Variants in RAD51B observed in about 807,000 individuals in gnomAD.
RAD51B encodes the protein DNA repair protein RAD51 homolog 2.
In RAD51B, 38 loss-of-function variants were observed where a neutral mutation model predicts 42.2. The observed-to-expected ratio is 0.90, with a 90% CI of 0.70 to 1.18. The LOEUF (loss-of-function observed/expected upper bound fraction) is 1.18. Ranked by LOEUF, RAD51B falls within the 50% of genes most tolerant of loss-of-function variation. The probability of loss-of-function intolerance (pLI) is 0.00; values close to 1 mark genes in which losing one functional copy is unlikely to be tolerated. For synonymous variants in RAD51B, 154 were observed against 145.2 expected (o/e 1.06, Z -0.43); for missense variants, 373 against 400.7 (o/e 0.93, Z 0.59).
At chr14:67,847,658 C>T (rs572801220) in intron 4 of RAD51B, among the ~76,000 whole-genome samples, 11 of 152,130 alleles carry the variant, frequency 7.2e-5, no homozygotes, top group South Asian at 4.2e-4. Context: ...GATGTGATTT[C>T]GATTTTTAAA....
At chr14:68,321,279 G>A (rs2082153052) in intron 8 of RAD51B, among the ~76,000 whole-genome samples, 1 of 152,072 alleles carries the variant, frequency 6.6e-6, no homozygotes, top group Non-Finnish European at 1.5e-5. Flanking sequence ...GCAAGACTAG[G>A]GCAGCCCAGT....
intron 10 of RAD51B, among the ~76,000 whole-genome samples, chr14:68,585,267 A>G (rs985372748): frequency 2.6e-5 from 4 of 152,190 alleles, no homozygotes; most frequent in African/African-American, 9.6e-5. Flanking sequence ...CCCCATGGGG[A>G]ATTTCAGGAA....
At chr14:68,342,761 C>A (rs577851504) in intron 8 of RAD51B, among the ~76,000 whole-genome samples, 1 of 152,316 alleles carries the variant, frequency 6.6e-6, no homozygotes, top group East Asian at 1.9e-4. Context: ...ACTGTTGGTA[C>A]TTGTGGCCTC....
chr14:68,169,800 T>C (rs1297384728), intron 7 of RAD51B, among the ~76,000 whole-genome samples: 2 of 152,206 alleles, frequency 1.3e-5, no homozygotes, highest in African/African-American at 4.8e-5. Context: ...GGTTCTAATA[T>C]ATATAGCAGA....
intron 4 of RAD51B, among the ~76,000 whole-genome samples, chr14:67,847,463 G>T (rs2041659034): frequency 6.6e-6 from 1 of 151,340 alleles, no homozygotes; most frequent in Non-Finnish European, 1.5e-5. Context: ...GCCTCCCAGA[G>T]ATTTTGGGAA....
intron 7 of RAD51B, among the ~76,000 whole-genome samples, chr14:68,216,628 A>G (rs1004639049): frequency 3.3e-5 from 5 of 152,326 alleles, no homozygotes; most frequent in African/African-American, 1.2e-4. Context: ...TCTAAGTTCT[A>G]TTATCCCAGT....
chr14:68,668,008 C>G (rs1340557764), intron 11 of RAD51B, among the ~76,000 whole-genome samples: 2 of 152,172 alleles, frequency 1.3e-5, no homozygotes, highest in Non-Finnish European at 2.9e-5. Flanking sequence ...AGAAGCACTT[C>G]CCTGGCCTGG....
chr14:68,416,029 G>A (rs2084547851), intron 9 of RAD51B, among the ~76,000 whole-genome samples: 1 of 151,966 alleles, frequency 6.6e-6, no homozygotes, highest in Non-Finnish European at 1.5e-5. Flanking sequence ...TTTCTATTTA[G>A]GAGGCACCCT....
chr14:68,250,439 CTGAGA>C (rs2080601882), intron 7 of RAD51B, among the ~76,000 whole-genome samples: 1 of 152,150 alleles, frequency 6.6e-6, no homozygotes, highest in Non-Finnish European at 1.5e-5. Flanking sequence ...ACTATAATGC[CTGAGA>C]TATCAAGCTA....
intron 11 of RAD51B, among the ~76,000 whole-genome samples, chr14:68,652,389 C>A (rs1892720863): frequency 6.6e-6 from 1 of 152,166 alleles, no homozygotes; most frequent in South Asian, 2.1e-4. Context: ...TTTTCCAGTT[C>A]AAAGGAAAGT....
chr14:68,261,905 G>A (rs763466224), intron 7 of RAD51B, among the ~76,000 whole-genome samples: 4 of 152,114 alleles, frequency 2.6e-5, no homozygotes, highest in Non-Finnish European at 4.4e-5. Context: ...TCTGTGGCAG[G>A]ACACAGTAGG....
intron 8 of RAD51B, among the ~76,000 whole-genome samples, chr14:68,354,738 T>G (rs1207845157): frequency 2.6e-5 from 4 of 151,930 alleles, no homozygotes; most frequent in Admixed American, 6.6e-5. Context: ...TTTTTTTAAT[T>G]ATTAAGAATC....
intron 9 of RAD51B, among the ~76,000 whole-genome samples, chr14:68,449,892 A>G (rs937661378): frequency 2.0e-5 from 3 of 152,174 alleles, no homozygotes; most frequent in African/African-American, 4.8e-5. Context: ...CGGTCTGAAT[A>G]TTGAAGAAAA....
intron 8 of RAD51B, among the ~76,000 whole-genome samples, chr14:68,365,122 C>T (rs1421181811): frequency 6.6e-6 from 1 of 152,184 alleles, no homozygotes; most frequent in Admixed American, 6.5e-5. Flanking sequence ...CTGGGATTCA[C>T]AACAAAGTGA....
At chr14:68,437,993 G>A (rs1351183531) in intron 9 of RAD51B, among the ~76,000 whole-genome samples, 3 of 152,110 alleles carry the variant, frequency 2.0e-5, no homozygotes, top group Non-Finnish European at 4.4e-5. Context: ...TAGTGCTACA[G>A]GGGAGCACTA....
At chr14:68,469,234 G>A in intron 10 of RAD51B, 1 of 315,828 alleles carries the variant, frequency 3.2e-6, no homozygotes, top group South Asian at 2.6e-5. Context: ...TATGAAACAG[G>A]GCAGTCCCTG....
chr14:68,115,630 G>A (rs2077533781), intron 7 of RAD51B, among the ~76,000 whole-genome samples: 1 of 151,084 alleles, frequency 6.6e-6, no homozygotes, highest in Non-Finnish European at 1.5e-5. Context: ...AGACCAAGCT[G>A]TTGTAAGTCA....
chr14:67,999,151 T>G (rs1003621672), intron 7 of RAD51B, among the ~76,000 whole-genome samples: 2 of 152,092 alleles, frequency 1.3e-5, no homozygotes, highest in Non-Finnish European at 2.9e-5. Flanking sequence ...GTCTTAACAC[T>G]AACTTTTGTC....
intron 9 of RAD51B, among the ~76,000 whole-genome samples, chr14:68,456,906 T>G (rs2085706642): frequency 9.1e-6 from 1 of 109,388 alleles, no homozygotes; most frequent in Admixed American, 9.0e-5. Flanking sequence ...TTTTTTTTTT[T>G]TTTTTTTTTT....
Sources: gnomAD v4.1 joint callset for allele counts (sites outside exome capture counted in the v4.1 genomes callset) on GRCh38, gnomAD v4.1.1 for gene constraint, MANE v1.5 for transcripts, NCBI Gene and HGNC (gene_info 2026-07-23, HGNC 2026-07-21) for gene names.